RALGPS2: variants seen among roughly 807,000 people sequenced by gnomAD.
The protein encoded by RALGPS2 is ras-specific guanine nucleotide-releasing factor RalGPS2.
Under a neutral mutation model 86.8 loss-of-function variants are expected in RALGPS2, and 43 were observed. The ratio of observed to expected loss-of-function variants is 0.50; its 90% CI spans 0.39 to 0.64. RALGPS2 has a LOEUF of 0.64. RALGPS2 is among the 30% of genes least tolerant of loss of function. RALGPS2 has a pLI of 0.00. For missense variants in RALGPS2, 536 were observed against 694.6 expected (o/e 0.77, Z 2.57); for synonymous variants, 243 against 231.3 (o/e 1.05, Z -0.46).
At chr1:178,876,733 G>A (rs1444813318) in intron 8 of RALGPS2, among the ~76,000 whole-genome samples, 3 of 152,086 alleles carry the variant, frequency 2.0e-5, no homozygotes, top group African/African-American at 7.2e-5. Flanking sequence ...TTTCACATGT[G>A]CATTGTGAAC....
At position 178,756,844 on chromosome 1, in the gene RALGPS2, T is replaced by G. The variant is rs1019117437; in HGVS notation, c.-83-19838T>G. On this transcript the variant is annotated intron_variant, in intron 1 of 19. Coordinates refer to ENST00000367635, the MANE Select transcript of RALGPS2 (RefSeq NM_152663.5). ...GTTGTGTTTTTGCCAGGTTTTGGTA[T>G]CAAGGTGATGCTGGCTTCATAGAAT... 2.6e-5 allele frequency among the ~76,000 whole-genome samples: 4 copies of G among 152,266 alleles called. No homozygotes were observed. The East Asian group carries it at 7.7e-4, about 29-fold the overall frequency.
intron 7 of RALGPS2, among the ~76,000 whole-genome samples, chr1:178,828,196 A>T (rs116010339): frequency 0.015 from 2,336 of 152,330 alleles, 49 homozygotes; most frequent in African/African-American, 0.053. Context: ...CAAATAATAC[A>T]TCTGATAAGG....
chr1:178,727,773 G>A (rs1650110334), intron 1 of RALGPS2, among the ~76,000 whole-genome samples: 3 of 152,030 alleles, frequency 2.0e-5, no homozygotes, highest in Admixed American at 2.0e-4. Context: ...ATGTGTATTG[G>A]GTACCTACTT....
At chr1:178,893,837 A>G (rs911441740) in intron 15 of RALGPS2, 82 bp from the exon 16 acceptor site, 5 of 871,692 alleles carry the variant, frequency 5.7e-6, no homozygotes, top group Non-Finnish European at 8.9e-6. Context: ...TAAAATTAAG[A>G]ATAATTACAT....
intron 4 of RALGPS2, 120 bp from the exon 5 acceptor site, chr1:178,807,925 C>T (rs1572352955): frequency 4.2e-6 from 3 of 710,810 alleles, no homozygotes; most frequent in Non-Finnish European, 7.5e-6. Context: ...TATGTATGTT[C>T]CCATTAAATA....
intron 9 of RALGPS2, 40 bp from the exon 10 acceptor site, chr1:178,878,862 A>G (rs1659108026): frequency 1.2e-6 from 2 of 1,601,240 alleles, no homozygotes; most frequent in African/African-American, 2.7e-5. Context: ...TCTGGTTAAG[A>G]TGTACTTTAT....
chr1:178,824,375 A>G (rs774298613), intron 7 of RALGPS2, among the ~76,000 whole-genome samples: 8 of 152,204 alleles, frequency 5.3e-5, no homozygotes, highest in Non-Finnish European at 1.0e-4. Flanking sequence ...AATGGCATCA[A>G]TGGCAATATG....
intron 7 of RALGPS2, among the ~76,000 whole-genome samples, chr1:178,823,100 G>A (rs1655586688): frequency 6.6e-6 from 1 of 152,190 alleles, no homozygotes; most frequent in Admixed American, 6.5e-5. Context: ...GGGATTACAG[G>A]CATGAGCCAT....
At chr1:178,753,066 T>C (rs1651768291) in intron 1 of RALGPS2, among the ~76,000 whole-genome samples, 1 of 152,214 alleles carries the variant, frequency 6.6e-6, no homozygotes, top group Non-Finnish European at 1.5e-5. Context: ...ACATTTGCCC[T>C]CTGTACTGTA....
rs1653610719 is a variant in RALGPS2 at position 178,785,584 on chromosome 1, G to A, written c.190G>A (p.Val64Ile). 5 of 1,583,512 alleles carry A rather than the reference G, an allele frequency of 3.2e-6. No individual in the cohort carries two copies. The highest frequency in any genetic ancestry group is 4.3e-6 in the Non-Finnish European group (5 of 1,166,056). The change falls in exon 4 of 20, where the codon GTA (valine) becomes ATA (isoleucine). Residue 64 changes from valine (V) to isoleucine (I), a missense_variant. Val to Ile is a conservative substitution (Grantham distance 29). Coordinates refer to ENST00000367635, the MANE Select transcript of RALGPS2 (RefSeq NM_152663.5). ...AGQITLMDVP[V>I]FKAIQPDELS... is the part of the protein sequence containing the mutation. ...TCAGATAACATTAATGGATGTTCCA[G>A]TATTTAAAGCTATTCAACCAGATGT...
chr1:178,796,212 G>T (rs777005948), intron 4 of RALGPS2, among the ~76,000 whole-genome samples: 2 of 151,988 alleles, frequency 1.3e-5, no homozygotes, highest in Non-Finnish European at 2.9e-5. Context: ...CTCATTATAC[G>T]GACAGCTTTA....
At position 178,758,810 on chromosome 1, in the gene RALGPS2, G is replaced by A. The variant is rs186977766; in HGVS notation, c.-83-17872G>A. 8.5e-4 allele frequency among the ~76,000 whole-genome samples: 129 copies of A among 152,230 alleles called. No homozygotes were observed. In the East Asian group the frequency reaches 9.3e-3, roughly 11 times the overall value. On this transcript the variant is annotated intron_variant, in intron 1 of 19. Coordinates refer to ENST00000367635, the MANE Select transcript of RALGPS2 (RefSeq NM_152663.5). ...TTATCCATACGTTCATCTGTTGATG[G>A]ACACTTACAGTGATGTTGAGAACTT... is the stretch of plus-strand genomic sequence containing the variant.
intron 18 of RALGPS2, among the ~76,000 whole-genome samples, chr1:178,905,466 CTG>C (rs1245471279): frequency 2.6e-5 from 4 of 152,056 alleles, no homozygotes; most frequent in Non-Finnish European, 5.9e-5. Context: ...GACCTAATGT[CTG>C]TGTCTGAGTT....
chr1:178,851,394 T>C lies in RALGPS2; in HGVS notation c.607+17844T>C, dbSNP rs944887891. ...CTCTGCAATCATAAAAAACTTATTC[T>C]ACCTTTAATTTGAACTTCCCTTACT... On this transcript the variant is annotated intron_variant, in intron 8 of 19. Transcript: ENST00000367635. The C allele has an allele frequency of 2.0e-5, 26 of 1,308,114 alleles. No homozygotes were observed. The African/African-American group carries it at 3.3e-4, about 17-fold the overall frequency. 81.0% of individuals were successfully genotyped at this position (1,308,114 alleles called of 1,614,324 possible). A position where few individuals can be genotyped will look rare whatever the true frequency, so the allele number is the denominator to read the frequency against.
chr1:178,774,494 C>T, intron 1 of RALGPS2, among the ~76,000 whole-genome samples: 1 of 152,170 alleles, frequency 6.6e-6, no homozygotes, highest in Middle Eastern at 3.4e-3. Flanking sequence ...TCATGTTATA[C>T]TTAATGTTGC....
At chr1:178,860,091 T>C (rs971108378) in intron 8 of RALGPS2, among the ~76,000 whole-genome samples, 1 of 152,136 alleles carries the variant, frequency 6.6e-6, no homozygotes, top group African/African-American at 2.4e-5. Context: ...TACTCAGATC[T>C]ATGCTTTTAC....
At chr1:178,815,482 C>CT (rs1253306657) in intron 6 of RALGPS2, among the ~76,000 whole-genome samples, 5 of 152,076 alleles carry the variant, frequency 3.3e-5, no homozygotes, top group Admixed American at 2.6e-4. Context: ...TGTCTTACCA[C>CT]TTTTTTCGTA....
intron 7 of RALGPS2, among the ~76,000 whole-genome samples, chr1:178,827,221 C>G (rs1001852623): frequency 1.3e-5 from 2 of 152,124 alleles, no homozygotes; most frequent in African/African-American, 4.8e-5. Flanking sequence ...GTTAAAATAT[C>G]CATACAGCCC....
At chr1:178,834,461 A>T (rs1421899484) in intron 8 of RALGPS2, among the ~76,000 whole-genome samples, 3 of 152,218 alleles carry the variant, frequency 2.0e-5, no homozygotes, top group Non-Finnish European at 2.9e-5. Context: ...CAGTTGATAC[A>T]TGCCCATTTA....
Sources: gnomAD v4.1 joint callset for allele counts (sites outside exome capture counted in the v4.1 genomes callset) on GRCh38, gnomAD v4.1.1 for gene constraint, MANE v1.5 for transcripts, NCBI Gene and HGNC (gene_info 2026-07-23, HGNC 2026-07-21) for gene names.